Variants in LRRC4B observed in about 807,000 individuals in gnomAD.
The protein encoded by LRRC4B is leucine rich repeat containing 4B.
In LRRC4B, 1 loss-of-function variant was observed where a neutral mutation model predicts 7.3. The ratio of observed to expected loss-of-function variants is 0.14; its 90% confidence interval spans 0.05 to 0.65. LRRC4B has a LOEUF of 0.65. LRRC4B is among the 30% of genes least tolerant of loss of function. The pLI is 0.84. For synonymous variants in LRRC4B, 500 were observed against 499.2 expected (o/e 1.00, Z -0.02); for missense variants, 730 against 1,041.6 (o/e 0.70, Z 4.12).
At position 50,518,708 on chromosome 19, in the gene LRRC4B, C is replaced by G. The variant is rs780149875; in HGVS notation, c.1005G>C (p.Thr335=). 3.7e-6 allele frequency: 6 copies of G among 1,613,892 alleles called. No homozygotes were observed. The South Asian group carries it at 5.5e-5, about 15-fold the overall frequency. The change falls in exon 3 of 3, where the codon ACG becomes ACC. Residue 335 remains threonine (T), a synonymous_variant. Transcript: ENST00000652263. ...WLKETVPSNT[T]CCARCHAPAG... ...CGGGCGCATGACAGCGGGCGCAGCA[C>G]GTCGTGTTGCTGGGCACCGTCTCCT...
chr19:50,518,916 G>A lies in LRRC4B; in HGVS notation c.797C>T (p.Ala266Val). Residue 266 changes from alanine to valine, a missense_variant, in exon 3 of 3, where the codon GCC (alanine) becomes GTC (valine). Transcript: ENST00000652263. ...RKLWLMHAQV[A>V]TIERNAFDDL... ...GTCGAAGGCGTTGCGCTCGATGGTG[G>A]CTACCTGGGCGTGCATGAGCCACAG... The A allele has an allele frequency of 6.2e-7, 1 of 1,614,010 alleles. No individual in the cohort carries two copies. Among genetic ancestry groups the A allele is most frequent in the African/African-American group, 1.3e-5 (1 of 75,062 alleles).
rs371443154 is a variant in LRRC4B at position 50,519,014 on chromosome 19, C to T, written c.699G>A (p.Glu233=). ...CCAGCCGGTTGCCCGACAGCTCCAG[C>T]TCCTCCAGGCGCACCAGGGCCGTCA... ...PNLTALVRLE[E]LELSGNRLDL... Residue 233 remains glutamate (E), a synonymous_variant, in exon 3 of 3, where the codon GAG becomes GAA. Coordinates refer to ENST00000652263, the MANE Select transcript of LRRC4B (RefSeq NM_001080457.2). This position sits in a 1 kb window ranked among gnomAD's most constrained non-coding sequence, Gnocchi z 8.1. The T allele has an allele frequency of 3.5e-5, 56 of 1,612,034 alleles. No homozygotes were observed. The African/African-American group carries it at 7.1e-4, about 20-fold the overall frequency.
In LRRC4B at chr19:50,557,213, C is replaced by G. The variant is rs959002539; in HGVS notation, c.-35-8340G>C. Among the ~76,000 whole-genome samples, 3 of 152,210 alleles carry G rather than the reference C, an allele frequency of 2.0e-5. No individual in the cohort carries two copies. In the South Asian group the frequency reaches 6.2e-4, roughly 32 times the overall value. ...GTAGGAGGTGAGGGAGAGGGAGGAG[C>G]CAGGCTCTTCTTATAGATCTGGGGT... On this transcript the variant is annotated intron_variant, in intron 1 of 2. Coordinates refer to ENST00000652263, the MANE Select transcript of LRRC4B (RefSeq NM_001080457.2).
chr19:50,524,000 T>A (rs1980696347), intron 2 of LRRC4B, among the ~76,000 whole-genome samples: 1 of 152,028 alleles, frequency 6.6e-6, no homozygotes, highest in African/African-American at 2.4e-5. Flanking sequence ...AAGCTTTTCT[T>A]AGTAGTGAAC....
chr19:50,539,525 CT>C (rs953636360), intron 2 of LRRC4B, among the ~76,000 whole-genome samples: 11 of 148,996 alleles, frequency 7.4e-5, no homozygotes, highest in South Asian at 4.3e-4. Flanking sequence ...CCAGTATAGC[CT>C]TTTTTTTTTC....
At chr19:50,526,405 G>A (rs1024454601) in intron 2 of LRRC4B, among the ~76,000 whole-genome samples, 2 of 152,050 alleles carry the variant, frequency 1.3e-5, no homozygotes, top group Non-Finnish European at 2.9e-5. Context: ...TCCTGGTCCC[G>A]TCTCCCCACC....
chr19:50,556,181 G>A lies in LRRC4B; in HGVS notation c.-35-7308C>T, dbSNP rs1297713930. On this transcript the variant is annotated intron_variant, in intron 1 of 2. Transcript: ENST00000652263. The surrounding 1 kb of genome is among the most constrained non-coding windows in gnomAD (Gnocchi z 4.2). Reference sequence around the variant, plus strand: ...GATGAGGAAGCAGGACTAGGGGCTTGGCTCAGCTCACGAATTTCCCGGGCC... The same window carrying A: ...GATGAGGAAGCAGGACTAGGGGCTTAGCTCAGCTCACGAATTTCCCGGGCC... Among the ~76,000 whole-genome samples, 2 of 152,140 alleles carry A rather than the reference G, an allele frequency of 1.3e-5. No individual in the cohort carries two copies. Among genetic ancestry groups the A allele is most frequent in the African/African-American group, 4.8e-5 (2 of 41,446 alleles).
At chr19:50,564,160 TGGTGG>T (rs1421913533) in intron 1 of LRRC4B, among the ~76,000 whole-genome samples, 2 of 150,262 alleles carry the variant, frequency 1.3e-5, no homozygotes, top group African/African-American at 4.9e-5. Context: ...GAGTGGGGAG[TGGTGG>T]CCCTTTGCAC....
Position 50,517,456 on chromosome 19 carries a change from G to T in LRRC4B, c.*115C>A. The T allele has an allele frequency of 1.0e-6, 1 of 969,152 alleles. No individual in the cohort carries two copies. Among genetic ancestry groups the T allele is most frequent in the Non-Finnish European group, 1.4e-6 (1 of 732,046 alleles). 60.0% of individuals were successfully genotyped at this position (969,152 alleles called of 1,614,324 possible). A position where few individuals can be genotyped will look rare whatever the true frequency, so the allele number is the denominator to read the frequency against. On this transcript the variant is annotated 3_prime_UTR_variant, in exon 3 of 3. Transcript: ENST00000652263. The surrounding 1 kb of genome is among the most constrained non-coding windows in gnomAD (Gnocchi z 6.6). Reference sequence around the variant, plus strand: ...GGAAGCCACCTCTCCCCAATTCCCTGCGTGGTCCCAGAAGGTGGGCTGGGC... The same window carrying T: ...GGAAGCCACCTCTCCCCAATTCCCTTCGTGGTCCCAGAAGGTGGGCTGGGC...
intron 2 of LRRC4B, among the ~76,000 whole-genome samples, chr19:50,528,536 C>A (rs996508257): frequency 3.3e-5 from 5 of 152,042 alleles, no homozygotes; most frequent in Non-Finnish European, 7.4e-5. Context: ...GTAGAGACAG[C>A]ATTTCGCCAT....
chr19:50,548,806 CG>C lies in LRRC4B; in HGVS notation c.32del (p.Pro11ArgfsTer33). 6 of 1,370,574 alleles carry C rather than the reference CG, an allele frequency of 4.4e-6. No individual in the cohort carries two copies. The highest frequency in any genetic ancestry group is 1.3e-5 in the South Asian group (1 of 76,962). The allele number at this position is 1,370,574 out of a possible 1,614,324, so 84.9% of individuals were successfully genotyped here. A position where few individuals can be genotyped will look rare whatever the true frequency, so the allele number is the denominator to read the frequency against. On this transcript the variant is annotated frameshift_variant, in exon 2 of 3. Transcript: ENST00000652263. LOFTEE classifies it high-confidence loss of function. This position sits in a 1 kb window ranked among gnomAD's most constrained non-coding sequence, Gnocchi z 6.8. The stretch of plus-strand genomic sequence containing the variant: ...GCCAGGACATCCTACCGGGCGGCAG[CG>C]GGGGGCACGGGGAGCCGCGGGCACG... MARARGSPCPPLPPGRMSWPH... is the reference protein window; with the variant it reads MARARGSPCPXLPPGRMSWPH...
intron 1 of LRRC4B, among the ~76,000 whole-genome samples, chr19:50,561,158 C>T (rs1350841374): frequency 6.6e-6 from 1 of 152,082 alleles, no homozygotes; most frequent in Non-Finnish European, 1.5e-5. Context: ...TTCCATGACT[C>T]AGCCCCCTCC....
At chr19:50,557,805 C>T (rs1011745126) in intron 1 of LRRC4B, 8 of 152,152 alleles carry the variant, frequency 5.3e-5, no homozygotes, top group African/African-American at 1.7e-4. Flanking sequence ...GTGTGGTCCA[C>T]TTATATGTGG....
At chr19:50,552,572 C>T in intron 1 of LRRC4B, among the ~76,000 whole-genome samples, 1 of 151,446 alleles carries the variant, frequency 6.6e-6, no homozygotes, top group African/African-American at 2.4e-5. Context: ...ATCCGTCCAC[C>T]CATCCGTCCA....
At chr19:50,565,764 C>T (rs976241935) in intron 1 of LRRC4B, among the ~76,000 whole-genome samples, 2 of 151,928 alleles carry the variant, frequency 1.3e-5, no homozygotes, top group Non-Finnish European at 2.9e-5. Flanking sequence ...CTCCCTGAGT[C>T]TGTGGCTCCC....
At chr19:50,528,931 C>T (rs1383914420) in intron 2 of LRRC4B, among the ~76,000 whole-genome samples, 1 of 152,048 alleles carries the variant, frequency 6.6e-6, no homozygotes, top group Non-Finnish European at 1.5e-5. Flanking sequence ...TGCACCCAGC[C>T]GGAGATGCGA....
At position 50,568,208 on chromosome 19, in the gene LRRC4B, T is replaced by TCGCCCGC. The variant is rs1359678145; in HGVS notation, c.-307_-301dup. ...CCGCCTGCCGTCCGGCCCCGCGCCC[T>TCGCCCGC]CGCCCGCCGCCCGCCTTCCTTCTTG... On this transcript the variant is annotated 5_prime_UTR_variant, in exon 1 of 3. Coordinates refer to ENST00000652263, the MANE Select transcript of LRRC4B (RefSeq NM_001080457.2). 6.6e-6 allele frequency among the ~76,000 whole-genome samples: 1 copy of TCGCCCGC among 151,272 alleles called. No individual in the cohort carries two copies.
chr19:50,517,475 G>T lies in LRRC4B; in HGVS notation c.*96C>A. ...TTCCCTGCGTGGTCCCAGAAGGTGG[G>T]CTGGGCTGTGGGAGGGAGGGGTCCC... On this transcript the variant is annotated 3_prime_UTR_variant, in exon 3 of 3. Coordinates refer to ENST00000652263, the MANE Select transcript of LRRC4B (RefSeq NM_001080457.2). This position sits in a 1 kb window ranked among gnomAD's most constrained non-coding sequence, Gnocchi z 6.6. The T allele has an allele frequency of 8.7e-7, 1 of 1,145,794 alleles. No homozygotes were observed. Among genetic ancestry groups the T allele is most frequent in the Non-Finnish European group, 1.1e-6 (1 of 881,404 alleles). 71.0% of individuals were successfully genotyped at this position (1,145,794 alleles called of 1,614,324 possible).
chr19:50,539,141 G>C (rs1271281108), intron 2 of LRRC4B, among the ~76,000 whole-genome samples: 3 of 152,204 alleles, frequency 2.0e-5, no homozygotes, highest in African/African-American at 4.8e-5. Context: ...GCTTCCCAAA[G>C]TGCTGGGATT....
Sources: allele counts gnomAD v4.1 joint callset (sites outside exome capture counted in the v4.1 genomes callset), GRCh38; gene constraint gnomAD v4.1.1; non-coding constraint Gnocchi (gnomAD v3.1); transcripts MANE v1.5; gene names NCBI Gene and HGNC (gene_info 2026-07-23, HGNC 2026-07-21).